The following LOC400499 variants were observed in gnomAD, a reference collection of about 807,000 sequenced individuals.
the LOC400499 span, chr16:11,523,640 G>A: frequency 1.0e-5 from 4 of 392,192 alleles, no homozygotes; most frequent in Admixed American, 1.8e-4. Flanking sequence ...CACAAAGACT[G>A]GAAGTGATTG....
the LOC400499 span, among the ~76,000 whole-genome samples, chr16:11,492,836 T>C: frequency 1.3e-5 from 2 of 149,854 alleles, no homozygotes; most frequent in East Asian, 3.9e-4. Context: ...GAAAATGAAA[T>C]GGGGAAACAG....
the LOC400499 span, among the ~76,000 whole-genome samples, chr16:11,448,463 G>C: frequency 6.6e-6 from 1 of 152,166 alleles, no homozygotes; most frequent in Non-Finnish European, 1.5e-5. Flanking sequence ...AGGGTAACTT[G>C]AGCCCAGGGC....
At chr16:11,472,848 C>T in the LOC400499 span, 6 of 152,152 alleles carry the variant, frequency 3.9e-5, no homozygotes, top group East Asian at 3.8e-4. Context: ...TATTTGTTAG[C>T]TGGATATGGT....
chr16:11,498,224 T>C, the LOC400499 span, among the ~76,000 whole-genome samples: 2 of 152,214 alleles, frequency 1.3e-5, no homozygotes, highest in Non-Finnish European at 2.9e-5. Flanking sequence ...CTCATGCCTG[T>C]AATCCCAGCA....
the LOC400499 span, among the ~76,000 whole-genome samples, chr16:11,503,118 T>G: frequency 6.7e-6 from 1 of 148,352 alleles, no homozygotes; most frequent in East Asian, 1.9e-4. Flanking sequence ...GAGATGAGGT[T>G]TCACCATGTT....
At chr16:11,519,836 G>C in the LOC400499 span, among the ~76,000 whole-genome samples, 661 of 151,914 alleles carry the variant, frequency 4.4e-3, 10 homozygotes, top group African/African-American at 0.015. Context: ...CTCCTGAGTA[G>C]CTGGGATTAC....
the LOC400499 span, among the ~76,000 whole-genome samples, chr16:11,502,889 T>C: frequency 0.66 from 97,058 of 146,392 alleles, 32,696 homozygotes; most frequent in Admixed American, 0.74. Flanking sequence ...GCTGGGATTA[T>C]AGGCATGAGC....
chr16:11,395,706 G>T, the LOC400499 span, among the ~76,000 whole-genome samples: 2 of 152,222 alleles, frequency 1.3e-5, no homozygotes, highest in African/African-American at 4.8e-5. Flanking sequence ...GTTCCCATTT[G>T]ACAGAGGGGA....
the LOC400499 span, among the ~76,000 whole-genome samples, chr16:11,482,295 G>A: frequency 6.6e-6 from 1 of 152,156 alleles, no homozygotes; most frequent in Admixed American, 6.5e-5. Context: ...CTGAACTGAG[G>A]AGCTGGGGGT....
At chr16:11,387,309 A>T in the LOC400499 span, 2 of 1,232,240 alleles carry the variant, frequency 1.6e-6, no homozygotes, top group South Asian at 4.1e-5. Flanking sequence ...CAGGGAATGC[A>T]GAGGACAAGT....
chr16:11,419,297 T>A, the LOC400499 span, among the ~76,000 whole-genome samples: 11 of 152,054 alleles, frequency 7.2e-5, no homozygotes, highest in East Asian at 3.9e-4. Context: ...ATAACGCCGC[T>A]TATCTACAAC....
chr16:11,424,918 C>T, the LOC400499 span, among the ~76,000 whole-genome samples: 19,334 of 152,170 alleles, frequency 0.13, 1,403 homozygotes, highest in Middle Eastern at 0.2. Context: ...CCTGTCAATA[C>T]GGTAACAACT....
chr16:11,399,413 C>T, the LOC400499 span: 2 of 469,736 alleles, frequency 4.3e-6, no homozygotes, highest in Non-Finnish European at 6.9e-6. Flanking sequence ...CTGGACGCTC[C>T]TGTGGCAGGT....
the LOC400499 span, among the ~76,000 whole-genome samples, chr16:11,422,948 C>T: frequency 6.6e-6 from 1 of 152,156 alleles, no homozygotes; most frequent in Non-Finnish European, 1.5e-5. Context: ...GCAGATGGGA[C>T]CACTCGATGA....
chr16:11,452,409 G>A, the LOC400499 span, among the ~76,000 whole-genome samples: 1 of 152,132 alleles, frequency 6.6e-6, no homozygotes, highest in East Asian at 1.9e-4. Context: ...GGGAGGCTAG[G>A]GGCTGCTGGA....
the LOC400499 span, among the ~76,000 whole-genome samples, chr16:11,394,241 G>C: frequency 6.6e-6 from 1 of 152,188 alleles, no homozygotes; most frequent in South Asian, 2.1e-4. Context: ...GTCCCTGCAG[G>C]TGCCCAGCCT....
chr16:11,390,145 G>A, the LOC400499 span: 2 of 1,232,344 alleles, frequency 1.6e-6, no homozygotes, highest in African/African-American at 1.5e-5. Flanking sequence ...GGTTTGCAGA[G>A]CCTCTTCAGT....
At chr16:11,435,275 G>A in the LOC400499 span, among the ~76,000 whole-genome samples, 1 of 151,916 alleles carries the variant, frequency 6.6e-6, no homozygotes, top group Non-Finnish European at 1.5e-5. Context: ...ACCACACCTG[G>A]CTAATTTTTT....
the LOC400499 span, among the ~76,000 whole-genome samples, chr16:11,382,171 C>G: frequency 1.3e-5 from 2 of 152,182 alleles, no homozygotes; most frequent in Non-Finnish European, 2.9e-5. Context: ...CTCCTGACCT[C>G]AGGTGATCTG....
Sources: gnomAD v4.1 joint callset for allele counts (sites outside exome capture counted in the v4.1 genomes callset) on GRCh38, gnomAD v4.1.1 for gene constraint, MANE v1.5 for transcripts.